Variants in CACNB2 observed in about 807,000 individuals in gnomAD.
CACNB2 encodes voltage-dependent L-type calcium channel subunit beta-2.
In CACNB2, 42 loss-of-function variants were observed where a neutral mutation model predicts 73.3. That is an observed-to-expected ratio of 0.57 (90% CI 0.45 to 0.74). The LOEUF is 0.74. Among genes scored for constraint, CACNB2 ranks in the 30% least tolerant of loss-of-function variants. CACNB2 has a pLI of 0.00. For missense variants in CACNB2, 940 were observed against 853.0 expected (o/e 1.10, Z -1.27); for synonymous variants, 348 against 310.3 (o/e 1.12, Z -1.28).
intron 2 of CACNB2, among the ~76,000 whole-genome samples, chr10:18,268,317 A>C (rs1192423736): frequency 1.3e-5 from 2 of 152,244 alleles, no homozygotes; most frequent in Admixed American, 6.5e-5. Context: ...AGAAAAGTCT[A>C]GTCTAGCAGT....
At chr10:18,266,998 A>G (rs973626294) in intron 2 of CACNB2, among the ~76,000 whole-genome samples, 10 of 151,926 alleles carry the variant, frequency 6.6e-5, no homozygotes, top group African/African-American at 2.4e-4. Flanking sequence ...TATATATACT[A>G]TGTGTGTGTG....
At chr10:18,386,312 G>C (rs918488679) in intron 2 of CACNB2, among the ~76,000 whole-genome samples, 1 of 151,428 alleles carries the variant, frequency 6.6e-6, no homozygotes, top group African/African-American at 2.4e-5. Context: ...AATATATGAA[G>C]GCATCAAACT....
chr10:18,387,779 C>T (rs1251575541), intron 2 of CACNB2, among the ~76,000 whole-genome samples: 1 of 150,932 alleles, frequency 6.6e-6, no homozygotes, highest in Admixed American at 6.6e-5. Context: ...TTTTTAGCGA[C>T]AGGCTCTCAT....
intron 3 of CACNB2, among the ~76,000 whole-genome samples, chr10:18,447,763 A>G (rs1159470405): frequency 6.6e-6 from 1 of 152,080 alleles, no homozygotes; most frequent in Non-Finnish European, 1.5e-5. Flanking sequence ...ATCCCTGGTT[A>G]GAGCATTGTT....
chr10:18,363,245 A>C (rs2042213507), intron 2 of CACNB2, among the ~76,000 whole-genome samples: 1 of 152,202 alleles, frequency 6.6e-6, no homozygotes. Context: ...CAATTTCAAA[A>C]GTATTAGCCT....
Position 18,536,211 on chromosome 10 carries a change from T to C in CACNB2, c.1302+15T>C. The C allele has an allele frequency of 9.5e-7, 1 of 1,049,832 alleles. No individual in the cohort carries two copies. Among genetic ancestry groups the C allele is most frequent in the Non-Finnish European group, 1.4e-6 (1 of 693,546 alleles). The allele number at this position is 1,049,832 out of a possible 1,614,324, so 65.0% of individuals were successfully genotyped here. ...AGTGTCCTCCAGTAAGTTATCTCTA[T>C]ATACAGCATAATCCAGTTACAGAGA... On this transcript the variant is annotated intron_variant, in intron 12 of 13. Transcript: ENST00000324631.
intron 2 of CACNB2, among the ~76,000 whole-genome samples, chr10:18,278,686 G>A (rs11013304): frequency 0.16 from 23,593 of 151,988 alleles, 2,014 homozygotes; most frequent in African/African-American, 0.21. Context: ...GCTTTTCACA[G>A]CCTATTTTGG....
chr10:18,426,071 T>C (rs2045584404), intron 3 of CACNB2, among the ~76,000 whole-genome samples: 1 of 152,214 alleles, frequency 6.6e-6, no homozygotes, highest in Non-Finnish European at 1.5e-5. Context: ...CTGACTATTC[T>C]TGGACCTTTC....
chr10:18,281,380 G>A (rs1279495115), intron 2 of CACNB2, among the ~76,000 whole-genome samples: 1 of 152,176 alleles, frequency 6.6e-6, no homozygotes, highest in Admixed American at 6.5e-5. Context: ...AGCTGTGTGG[G>A]AAACAACAAT....
chr10:18,390,333 C>T (rs1205716929), intron 2 of CACNB2, among the ~76,000 whole-genome samples: 7 of 152,228 alleles, frequency 4.6e-5, no homozygotes, highest in African/African-American at 7.2e-5. Context: ...CTGCCTCAGC[C>T]TCCCGAGTAC....
intron 2 of CACNB2, among the ~76,000 whole-genome samples, chr10:18,185,067 G>C (rs1486892664): frequency 6.6e-6 from 1 of 151,958 alleles, no homozygotes; most frequent in Non-Finnish European, 1.5e-5. Flanking sequence ...TCAAACTCCT[G>C]GGCTCAAGCA....
intron 2 of CACNB2, among the ~76,000 whole-genome samples, chr10:18,182,298 C>A (rs1037244755): frequency 1.3e-5 from 2 of 151,750 alleles, no homozygotes; most frequent in African/African-American, 2.4e-5. Flanking sequence ...GTACTCCAGC[C>A]TGGGCAACAG....
intron 3 of CACNB2, among the ~76,000 whole-genome samples, chr10:18,417,461 C>T (rs990156254): frequency 6.8e-5 from 10 of 146,562 alleles, no homozygotes; most frequent in African/African-American, 1.8e-4. Flanking sequence ...CTCTGCCTCC[C>T]GGGTTCAAGC....
intron 1 of CACNB2, among the ~76,000 whole-genome samples, chr10:18,148,112 T>C (rs1339532695): frequency 6.6e-6 from 1 of 152,064 alleles, no homozygotes; most frequent in African/African-American, 2.4e-5. Context: ...AAAGAAACTT[T>C]AGAAGAGAAA....
intron 2 of CACNB2, among the ~76,000 whole-genome samples, chr10:18,278,787 G>A (rs961325334): frequency 5.9e-5 from 9 of 151,698 alleles, no homozygotes; most frequent in Admixed American, 2.0e-4. Context: ...GGGCCGAGGC[G>A]GGTGGATCCC....
intron 2 of CACNB2, among the ~76,000 whole-genome samples, chr10:18,269,421 A>G (rs753209798): frequency 2.6e-5 from 4 of 152,310 alleles, no homozygotes; most frequent in South Asian, 2.1e-4. Flanking sequence ...GATATATTCA[A>G]TGTCTTGCCA....
chr10:18,251,427 T>C (rs1191915678), intron 2 of CACNB2, among the ~76,000 whole-genome samples: 3 of 152,102 alleles, frequency 2.0e-5, no homozygotes, highest in African/African-American at 7.2e-5. Context: ...TTTGTATTTT[T>C]AGTAGAGATG....
At chr10:18,446,168 T>A (rs904878740) in intron 3 of CACNB2, among the ~76,000 whole-genome samples, 3 of 152,140 alleles carry the variant, frequency 2.0e-5, no homozygotes, top group Non-Finnish European at 4.4e-5. Context: ...GAGAGGAAAT[T>A]TAAGGACCAG....
chr10:18,453,278 A>G (rs973999664), intron 3 of CACNB2, among the ~76,000 whole-genome samples: 2 of 152,144 alleles, frequency 1.3e-5, no homozygotes, highest in Non-Finnish European at 2.9e-5. Flanking sequence ...GTGACTGTCT[A>G]TTACTCTTAG....
Sources: allele counts gnomAD v4.1 joint callset (sites outside exome capture counted in the v4.1 genomes callset), GRCh38; gene constraint gnomAD v4.1.1; transcripts MANE v1.5; gene names NCBI Gene and HGNC (gene_info 2026-07-23, HGNC 2026-07-21).